Variants in GPR149 observed in about 807,000 individuals in gnomAD.
The protein encoded by GPR149 is G protein-coupled receptor 149, also known as probable G protein-coupled receptor 149.
GPR149 carries 50 observed loss-of-function variants against 50.2 expected under a neutral mutation model. That is an observed-to-expected ratio of 1.00 (90% CI 0.79 to 1.26). The LOEUF is 1.26. GPR149 is among the 50% of genes most tolerant of loss of function. The pLI is 0.00. For synonymous variants in GPR149, 405 were observed against 358.2 expected, an observed-to-expected ratio of 1.13 and a Z score of -1.48; for missense variants, 983 against 895.4, an observed-to-expected ratio of 1.10 and a Z score of -1.25.
At chr3:154,376,172 A>G (rs1172579703) in intron 3 of GPR149, among the ~76,000 whole-genome samples, 1 of 152,160 alleles carries the variant, frequency 6.6e-6, no homozygotes. Flanking sequence ...AGGAAACCCT[A>G]GTTAATACAA....
chr3:154,360,236 G>T (rs982858126), intron 3 of GPR149, among the ~76,000 whole-genome samples: 1 of 152,104 alleles, frequency 6.6e-6, no homozygotes, highest in Non-Finnish European at 1.5e-5. Flanking sequence ...CAGTTTCAGG[G>T]GGTCTGTATG....
At position 154,421,237 on chromosome 3, in the gene GPR149, A is replaced by G. The variant is rs764264663; in HGVS notation, c.1425T>C (p.Asn475=). The part of the protein sequence containing the change: ...STQRGINKCT[N]TDITEAKQDS... ...CCTGTTTAGCTTCTGTAATATCAGTATTTGTGCATTTGTTGATGCCTCTTT... is the reference window on the plus strand; with the variant it reads ...CCTGTTTAGCTTCTGTAATATCAGTGTTTGTGCATTTGTTGATGCCTCTTT... The change falls in exon 3 of 4, where the codon AAT becomes AAC. Residue 475 remains asparagine (N), a synonymous_variant. Transcript: ENST00000389740. The G allele has an allele frequency of 1.9e-6, 3 of 1,613,490 alleles. No individual in the cohort carries two copies. Among genetic ancestry groups the G allele is most frequent in the African/African-American group, 2.7e-5 (2 of 74,966 alleles).
At chr3:154,368,629 G>A (rs1714595473) in intron 3 of GPR149, among the ~76,000 whole-genome samples, 2 of 152,180 alleles carry the variant, frequency 1.3e-5, no homozygotes, top group South Asian at 4.1e-4. Flanking sequence ...GGTATTGGAA[G>A]GAAGAAAATA....
chr3:154,377,557 G>A (rs569535197), intron 3 of GPR149, among the ~76,000 whole-genome samples: 1 of 151,882 alleles, frequency 6.6e-6, no homozygotes, highest in African/African-American at 2.4e-5. Flanking sequence ...AGTGGAGACG[G>A]TGTTTCACCA....
chr3:154,340,232 G>A (rs1559968053), intron 3 of GPR149, among the ~76,000 whole-genome samples: 3 of 152,168 alleles, frequency 2.0e-5, no homozygotes, highest in Non-Finnish European at 4.4e-5. Context: ...GAACCTAACT[G>A]TAGAGCCTTG....
At chr3:154,426,999 C>T (rs1001532307) in intron 2 of GPR149, among the ~76,000 whole-genome samples, 1 of 151,302 alleles carries the variant, frequency 6.6e-6, no homozygotes, top group African/African-American at 2.4e-5. Flanking sequence ...TTTCCAAAAC[C>T]CTGGAAGAAT....
intron 3 of GPR149, among the ~76,000 whole-genome samples, chr3:154,347,429 T>G (rs1354428765): frequency 2.0e-5 from 3 of 152,078 alleles, no homozygotes; most frequent in African/African-American, 7.2e-5. Context: ...GAGAATCCAC[T>G]CACTATGATG....
At chr3:154,351,311 T>TGCA (rs1341107044) in intron 3 of GPR149, among the ~76,000 whole-genome samples, 295 of 19,670 alleles carry the variant, frequency 0.015, 71 homozygotes, top group East Asian at 0.022. Flanking sequence ...GACATCCACA[T>TGCA]ACAAAAAAAA....
At position 154,421,254 on chromosome 3, in the gene GPR149, T is replaced by C. The variant is rs751331230; in HGVS notation, c.1408A>G (p.Ile470Val). 2.5e-6 allele frequency: 4 copies of C among 1,613,550 alleles called. No individual in the cohort carries two copies. Among genetic ancestry groups the C allele is most frequent in the East Asian group, 4.5e-5 (2 of 44,872 alleles). Residue 470 changes from isoleucine (I) to valine (V), a missense_variant, in exon 3 of 4, where the codon ATC becomes GTC. Coordinates refer to ENST00000389740, the MANE Select transcript of GPR149 (RefSeq NM_001038705.3). Reference sequence around the variant, plus strand: ...ATATCAGTATTTGTGCATTTGTTGATGCCTCTTTGTGTGGAGCTGTCCAGA... The same window carrying C: ...ATATCAGTATTTGTGCATTTGTTGACGCCTCTTTGTGTGGAGCTGTCCAGA... ...PSLDSSTQRG[I>V]NKCTNTDITE...
intron 2 of GPR149, among the ~76,000 whole-genome samples, chr3:154,426,871 CGTGTGTGTGTGTGT>C (rs61087162): frequency 9.3e-4 from 135 of 144,528 alleles, no homozygotes; most frequent in African/African-American, 2.9e-3. Context: ...TGGACCAGGG[CGTGTGTGTGTGTGT>C]GTGTGTGTGT....
intron 3 of GPR149, among the ~76,000 whole-genome samples, chr3:154,375,483 A>G (rs1203698390): frequency 6.6e-6 from 1 of 152,210 alleles, no homozygotes; most frequent in African/African-American, 2.4e-5. Context: ...AGAGGACTGT[A>G]TGTTCCAGAA....
intron 3 of GPR149, among the ~76,000 whole-genome samples, chr3:154,372,074 A>T (rs1205263446): frequency 6.6e-6 from 1 of 151,390 alleles, no homozygotes; most frequent in Non-Finnish European, 1.5e-5. Context: ...CCTCATCAGC[A>T]GAAAGTAGCC....
chr3:154,391,836 G>C (rs1006251141), intron 3 of GPR149, among the ~76,000 whole-genome samples: 3 of 151,546 alleles, frequency 2.0e-5, no homozygotes, highest in African/African-American at 7.3e-5. Context: ...AAAAAATCAT[G>C]CTGCAAATTT....
In GPR149 at chr3:154,429,087, G is replaced by C. The variant is rs369856925; in HGVS notation, c.529C>G (p.Arg177Gly). 3 of 1,613,606 alleles carry C rather than the reference G, an allele frequency of 1.9e-6. No homozygotes were observed. Among genetic ancestry groups the C allele is most frequent in the South Asian group, 2.2e-5 (2 of 91,082 alleles). Residue 177 changes from arginine (R) to glycine (G), a missense_variant, in exon 1 of 4, where the codon CGC (arginine) becomes GGC (glycine). Arg to Gly is a moderately radical substitution (Grantham distance 125). Coordinates refer to ENST00000389740, the MANE Select transcript of GPR149 (RefSeq NM_001038705.3). ...LPLCGWGAFV[R>G]TPWGCLVDCS... ...TCCACCAGGCAGCCCCAGGGCGTGC[G>C]CACGAAGGCGCCCCAGCCGCACAGC...
chr3:154,352,404 T>G (rs1278336362), intron 3 of GPR149: 1 of 975,386 alleles, frequency 1.0e-6, no homozygotes, highest in Non-Finnish European at 1.6e-6. Context: ...GTTGGAATCG[T>G]GCCACACTGC....
At position 154,426,376 on chromosome 3, in the gene GPR149, G is replaced by A. The variant is rs144593709; in HGVS notation, c.1174+1140C>T. 3.0e-3 allele frequency among the ~76,000 whole-genome samples: 460 copies of A among 152,196 alleles called. 2 individuals carry two copies. The highest frequency in any genetic ancestry group is 4.8e-3 in the Admixed American group (74 of 15,284). On this transcript the variant is annotated intron_variant, in intron 2 of 3. Transcript: ENST00000389740. ...GCTAATTATATAAAATAACTTTGTC[G>A]TTGAATTGATGGCAGAGTATACTTT...
chr3:154,420,434 A>C (rs1217488243), intron 3 of GPR149, among the ~76,000 whole-genome samples: 1 of 152,002 alleles, frequency 6.6e-6, no homozygotes, highest in East Asian at 1.9e-4. Context: ...TAGTTTTATA[A>C]AATATTATAA....
At chr3:154,383,087 G>T (rs538505803) in intron 3 of GPR149, among the ~76,000 whole-genome samples, 2 of 152,274 alleles carry the variant, frequency 1.3e-5, no homozygotes, top group Admixed American at 6.5e-5. Context: ...GCAGGAAAAG[G>T]GGTGCTATAA....
rs1388554371 is a variant in GPR149 at position 154,418,324 on chromosome 3, C to T, written c.1623+2715G>A. ...GCCATCCCATTACTGGGTATATACC[C>T]AAAGGACTATAAATCATGCTGCTAT... is the stretch of plus-strand genomic sequence containing the variant. On this transcript the variant is annotated intron_variant, in intron 3 of 3. Transcript: ENST00000389740. 2.9e-5 allele frequency among the ~76,000 whole-genome samples: 3 copies of T among 104,026 alleles called. 1 individual carries two copies. Among genetic ancestry groups the T allele is most frequent in the African/African-American group, 4.4e-5 (1 of 22,604 alleles). The allele number at this position is 104,026 out of a possible 152,430, so 68.2% of individuals were successfully genotyped here. A position where few individuals can be genotyped will look rare whatever the true frequency, so the allele number is the denominator to read the frequency against.
Sources: gnomAD v4.1 joint callset for allele counts (sites outside exome capture counted in the v4.1 genomes callset) on GRCh38, gnomAD v4.1.1 for gene constraint, MANE v1.5 for transcripts, NCBI Gene and HGNC (gene_info 2026-07-23, HGNC 2026-07-21) for gene names.